Variants in TRIP12 observed in about 807,000 individuals in gnomAD.
TRIP12 encodes the protein thyroid hormone receptor interactor 12, also known as E3 ubiquitin-protein ligase TRIP12.
TRIP12 carries 25 observed loss-of-function variants against 244.2 expected under a neutral mutation model. That is an observed-to-expected ratio of 0.10 (90% CI 0.07 to 0.14). The LOEUF is 0.14. Among genes scored for constraint, TRIP12 ranks in the 10% least tolerant of loss-of-function variants. TRIP12 has a pLI of 1.00. For missense variants in TRIP12, 1,677 were observed against 2,486.4 expected (o/e 0.67, Z 6.92); for synonymous variants, 905 against 873.1 (o/e 1.04, Z -0.64).
chr2:229,864,043 AGAGAGTGTGTGTGTGTGT>A (rs1181587684), intron 2 of TRIP12, among the ~76,000 whole-genome samples: 13 of 72,122 alleles, frequency 1.8e-4, no homozygotes, highest in African/African-American at 6.0e-4. Flanking sequence ...AGAGAGAGAG[AGAGAGTGTGTGTGTGTGT>A]GTGTGTGTGT....
chr2:229,860,675 T>G lies in TRIP12; in HGVS notation c.99-144A>C, dbSNP rs1261895321. The G allele has an allele frequency of 6.9e-6, 6 of 870,154 alleles. No homozygotes were observed. The Admixed American group carries it at 2.3e-4, about 33-fold the overall frequency. The allele number at this position is 870,154 out of a possible 1,614,324, so 53.9% of individuals were successfully genotyped here. A position where few individuals can be genotyped will look rare whatever the true frequency, so the allele number is the denominator to read the frequency against. On this transcript the variant is annotated intron_variant, in intron 2 of 41. Transcript: ENST00000675903. Reference sequence around the variant, plus strand: ...CCTTTTTCCAAATATTTATAAATTTTAATTATTATTCTACTAAATAATCTG... The same window carrying G: ...CCTTTTTCCAAATATTTATAAATTTGAATTATTATTCTACTAAATAATCTG...
Position 229,774,272 on chromosome 2 carries a change from C to A in TRIP12, c.5530-11G>T. 1 of 1,594,720 alleles carries A rather than the reference C, an allele frequency of 6.3e-7. No homozygotes were observed. Among genetic ancestry groups the A allele is most frequent in the Non-Finnish European group, 8.5e-7 (1 of 1,172,938 alleles). On this transcript the variant is annotated splice_polypyrimidine_tract_variant and intron_variant, in intron 37 of 41. Coordinates refer to ENST00000675903, the MANE Select transcript of TRIP12 (RefSeq NM_001348323.3). ...TAGACTCTCTTTGGTCTAAAAAACACAAATGGGGGAGAAATGGTGTCAAGC... is the reference window on the plus strand; with the variant it reads ...TAGACTCTCTTTGGTCTAAAAAACAAAAATGGGGGAGAAATGGTGTCAAGC...
chr2:229,795,199 A>C lies in TRIP12; in HGVS notation c.3948T>G (p.Ser1316Arg). 6.2e-7 allele frequency: 1 copy of C among 1,613,902 alleles called. No individual in the cohort carries two copies. The highest frequency in any genetic ancestry group is 8.5e-7 in the Non-Finnish European group (1 of 1,179,884). The stretch of plus-strand genomic sequence containing the variant: ...CTTACCTGCCTCCTGTCCCATTTCC[A>C]CTAGGGAAATCATGTACTTTGACTG... ...QFPVKVHDFP[S>R]GNGTGGSFSL... is the part of the protein sequence containing the mutation. Residue 1316 changes from serine (S) to arginine (R), a missense_variant, in exon 26 of 42, where the codon AGT becomes AGG. Physicochemically the swap from Ser to Arg is moderately radical, Grantham distance 110. This residue lies in a region of TRIP12 where 265 missense variants were observed against 370.8 expected (regional missense o/e 0.71). Transcript: ENST00000675903.
At position 229,859,482 on chromosome 2, in the gene TRIP12, G is replaced by C. The variant is rs760642641; in HGVS notation, c.317C>G (p.Pro106Arg). The change falls in exon 4 of 42, where the codon CCT becomes CGT. Residue 106 changes from proline (P) to arginine (R), a missense_variant. Physicochemically the swap from Pro to Arg is moderately radical, Grantham distance 103. Around this residue, in one of 11 missense-constraint regions of TRIP12, gnomAD observed 387 missense variants for 392.6 expected, o/e 0.99. Coordinates refer to ENST00000675903, the MANE Select transcript of TRIP12 (RefSeq NM_001348323.3). ...TSERQKTGQV[P>R]KKDNSRGVKR... ...CACTCCTCGAGAATTGTCTTTCTTA[G>C]GCACCTGCCCCGTTTTTTGTCTTTC... 8 of 1,614,162 alleles carry C rather than the reference G, an allele frequency of 5.0e-6. No homozygotes were observed. Among genetic ancestry groups the C allele is most frequent in the South Asian group, 2.2e-5 (2 of 91,084 alleles).
Position 229,813,852 on chromosome 2 carries a change from A to G in TRIP12, c.1986+18T>C. 1 of 1,463,882 alleles carries G rather than the reference A, an allele frequency of 6.8e-7. No individual in the cohort carries two copies. The highest frequency in any genetic ancestry group is 2.3e-5 in the East Asian group (1 of 43,110). 90.7% of individuals were successfully genotyped at this position (1,463,882 alleles called of 1,614,324 possible). ...TAATAAAACACTTTATGGCACATAA[A>G]ATAGATGCATATTTTACCTGATGTG... On this transcript the variant is annotated intron_variant, in intron 13 of 41. Coordinates refer to ENST00000675903, the MANE Select transcript of TRIP12 (RefSeq NM_001348323.3).
At chr2:229,873,647 C>G (rs1316897536) in intron 2 of TRIP12, among the ~76,000 whole-genome samples, 1 of 152,012 alleles carries the variant, frequency 6.6e-6, no homozygotes, top group Non-Finnish European at 1.5e-5. Flanking sequence ...TTTCTGCATC[C>G]CAATCCTTTG....
rs200744043 is a variant in TRIP12 at position 229,859,383 on chromosome 2, T to C, written c.416A>G (p.His139Arg). The C allele has an allele frequency of 6.4e-5, 103 of 1,614,104 alleles. No homozygotes were observed. The highest frequency in any genetic ancestry group is 1.7e-6 in the Non-Finnish European group (2 of 1,180,040). ...SSAKKPKALQ[H>R]TESPSETNKP... ...ATTTGTTTCTGAGGGAGATTCAGTA[T>C]GCTGAAGTGCTTTTGGTTTTTTTGC... The change falls in exon 4 of 42, where the codon CAT (histidine) becomes CGT (arginine). Residue 139 changes from histidine (H) to arginine (R), a missense_variant. Physicochemically the swap from His to Arg is conservative, Grantham distance 29. Coordinates refer to ENST00000675903, the MANE Select transcript of TRIP12 (RefSeq NM_001348323.3).
In TRIP12 at chr2:229,792,969, G is replaced by A. The variant is rs1484644088; in HGVS notation, c.4141+4C>T. On this transcript the variant is annotated splice_donor_region_variant and intron_variant, in intron 27 of 41. Transcript: ENST00000675903. The stretch of plus-strand genomic sequence containing the variant: ...AACACACGAAACAAATATATGGAAA[G>A]TACCTCTAACTACAAGGTATCTCTC... 6.2e-7 allele frequency: 1 copy of A among 1,608,474 alleles called. No homozygotes were observed. The highest frequency in any genetic ancestry group is 1.3e-5 in the African/African-American group (1 of 74,626).
chr2:229,884,877 G>A (rs1032884787), intron 1 of TRIP12, among the ~76,000 whole-genome samples: 1 of 152,168 alleles, frequency 6.6e-6, no homozygotes, highest in African/African-American at 2.4e-5. Context: ...AGGCTGAGGT[G>A]GAAGATTACT....
At chr2:229,859,826 G>A (rs1000617726) in intron 3 of TRIP12, among the ~76,000 whole-genome samples, 2 of 152,102 alleles carry the variant, frequency 1.3e-5, no homozygotes, top group African/African-American at 2.4e-5. Context: ...ACTAACACTC[G>A]TAATCACAAA....
intron 4 of TRIP12, among the ~76,000 whole-genome samples, chr2:229,852,800 T>A (rs377587837): frequency 2.0e-5 from 3 of 152,218 alleles, no homozygotes; most frequent in East Asian, 3.8e-4. Context: ...CTATCAACAA[T>A]TGACTAAGCA....
At chr2:229,788,519 A>G (rs1210289572) in intron 32 of TRIP12, among the ~76,000 whole-genome samples, 1 of 152,202 alleles carries the variant, frequency 6.6e-6, no homozygotes, top group African/African-American at 2.4e-5. Context: ...ACACCTTTGG[A>G]ATCCAATTCC....
intron 17 of TRIP12, 108 bp from the exon 18 acceptor site, chr2:229,805,991 G>A: frequency 1.2e-6 from 1 of 852,856 alleles, no homozygotes; most frequent in Non-Finnish European, 1.7e-6. Flanking sequence ...TATTTCAACA[G>A]GTTTTAGATG....
chr2:229,792,222 A>G lies in TRIP12; in HGVS notation c.4146T>C (p.Tyr1382=), dbSNP rs772806512. 6.2e-7 allele frequency: 1 copy of G among 1,613,780 alleles called. No homozygotes were observed. Among genetic ancestry groups the G allele is most frequent in the Non-Finnish European group, 8.5e-7 (1 of 1,179,910 alleles). ...AIERYLVVRG[Y]GRVREDDEDS... ...CTTCATCATCTTCTCTTACTCTTCCATACCCTGAAGACCCAAGTAGACTTT... is the reference window on the plus strand; with the variant it reads ...CTTCATCATCTTCTCTTACTCTTCCGTACCCTGAAGACCCAAGTAGACTTT... Residue 1382 remains tyrosine, a synonymous_variant, in exon 28 of 42, where the codon TAT becomes TAC. Coordinates refer to ENST00000675903, the MANE Select transcript of TRIP12 (RefSeq NM_001348323.3).
chr2:229,898,383 CAT>C (rs1437751951), intron 1 of TRIP12, among the ~76,000 whole-genome samples: 10 of 152,304 alleles, frequency 6.6e-5, no homozygotes, highest in South Asian at 2.1e-4. Flanking sequence ...AGACTTCTAA[CAT>C]GTGTCTCTCT....
intron 38 of TRIP12, 111 bp downstream of exon 38, chr2:229,773,986 G>T: frequency 8.9e-7 from 1 of 1,123,220 alleles, no homozygotes; most frequent in Non-Finnish European, 1.3e-6. Context: ...CAGTGGTCCT[G>T]GGGATGTGGA....
intron 26 of TRIP12, among the ~76,000 whole-genome samples, chr2:229,794,027 A>G (rs1338800560): frequency 6.6e-6 from 1 of 152,168 alleles, no homozygotes; most frequent in African/African-American, 2.4e-5. Context: ...ATATGCAAAC[A>G]TATTTTATAT....
At chr2:229,829,939 A>G (rs2052858405) in intron 7 of TRIP12, among the ~76,000 whole-genome samples, 2 of 152,236 alleles carry the variant, frequency 1.3e-5, no homozygotes, top group South Asian at 4.1e-4. Flanking sequence ...ACAGAGTGAG[A>G]TTCGGTCTCA....
intron 4 of TRIP12, among the ~76,000 whole-genome samples, chr2:229,849,648 A>G (rs780008560): frequency 4.6e-5 from 7 of 152,136 alleles, no homozygotes; most frequent in Non-Finnish European, 1.0e-4. Flanking sequence ...GGATCGCTTG[A>G]GTCCAGGAGT....
Sources: allele counts gnomAD v4.1 joint callset (sites outside exome capture counted in the v4.1 genomes callset), GRCh38; gene constraint gnomAD v4.1.1; regional missense constraint gnomAD v4.1.1; transcripts MANE v1.5; gene names NCBI Gene and HGNC (gene_info 2026-07-23, HGNC 2026-07-21).